Variants in TNFRSF19 observed in about 807,000 individuals in gnomAD.
TNFRSF19 encodes tumor necrosis factor receptor superfamily member 19.
In TNFRSF19, 27 loss-of-function variants were observed where a neutral mutation model predicts 46.4. That is an observed-to-expected ratio of 0.58 (90% CI 0.43 to 0.80). The LOEUF is 0.80. TNFRSF19 is among the 30% of genes least tolerant of loss of function. The pLI is 0.00. For missense variants in TNFRSF19, 511 were observed against 530.8 expected (o/e 0.96, Z 0.37); for synonymous variants, 204 against 205.0 (o/e 1.00, Z 0.04).
At chr13:23,649,514 T>G (rs930375097) in intron 5 of TNFRSF19, among the ~76,000 whole-genome samples, 3 of 152,132 alleles carry the variant, frequency 2.0e-5, no homozygotes, top group African/African-American at 7.2e-5. Flanking sequence ...CAACTTTTGT[T>G]TTTTTCTTCC....
At chr13:23,578,193 G>A (rs1273579748) in intron 1 of TNFRSF19, among the ~76,000 whole-genome samples, 1 of 152,208 alleles carries the variant, frequency 6.6e-6, no homozygotes, top group Non-Finnish European at 1.5e-5. Flanking sequence ...GATGTGCACT[G>A]AGGGCTGGAG....
intron 2 of TNFRSF19, among the ~76,000 whole-genome samples, chr13:23,590,482 C>T (rs1344783257): frequency 1.3e-5 from 2 of 152,016 alleles, no homozygotes; most frequent in African/African-American, 2.4e-5. Context: ...TTACAGGCAC[C>T]CACCACCACT....
chr13:23,648,664 C>T (rs1007475619), intron 5 of TNFRSF19, among the ~76,000 whole-genome samples: 2 of 152,090 alleles, frequency 1.3e-5, no homozygotes, highest in African/African-American at 4.8e-5. Context: ...TCTTCTTGAT[C>T]TTGGGGGAAA....
At position 23,669,585 on chromosome 13, in the gene TNFRSF19, T is replaced by A. The variant is rs1198253199; in HGVS notation, c.1245+488T>A. ...GCTGTTGTTTTCTGGATCACTCTGC[T>A]TTACCGGATTGATTGATTTGGCTGG... On this transcript the variant is annotated intron_variant, in intron 9 of 9. Coordinates refer to ENST00000248484, the MANE Select transcript of TNFRSF19 (RefSeq NM_148957.4). 5.1e-6 allele frequency: 5 copies of A among 985,238 alleles called. No individual in the cohort carries two copies. The East Asian group carries it at 5.7e-4, about 112-fold the overall frequency. The allele number at this position is 985,238 out of a possible 1,614,324, so 61.0% of individuals were successfully genotyped here. A position where few individuals can be genotyped will look rare whatever the true frequency, so the allele number is the denominator to read the frequency against.
rs915400755 is a variant in TNFRSF19, at chr13:23,570,543, C to G, written c.-340C>G. The stretch of plus-strand genomic sequence containing the variant: ...ATTGCAAAAAAGAGGAGGAAAACAA[C>G]GTGATCCATGTTTAACAAAAGAGTC... On this transcript the variant is annotated 5_prime_UTR_variant, in exon 1 of 10. Transcript: ENST00000248484. 2 of 152,220 alleles carry G rather than the reference C, an allele frequency of 1.3e-5. No individual in the cohort carries two copies. The highest frequency in any genetic ancestry group is 2.4e-5 in the African/African-American group (1 of 41,454). 9.4% of individuals were successfully genotyped at this position (152,220 alleles called of 1,614,324 possible).
At chr13:23,650,070 C>CA (rs1433682039) in intron 5 of TNFRSF19, among the ~76,000 whole-genome samples, 1 of 152,180 alleles carries the variant, frequency 6.6e-6, no homozygotes, top group Non-Finnish European at 1.5e-5. Context: ...CCAGACTTCT[C>CA]ACTGCAGCTG....
intron 1 of TNFRSF19, among the ~76,000 whole-genome samples, chr13:23,573,153 T>A (rs1593221177): frequency 6.6e-6 from 1 of 152,252 alleles, no homozygotes; most frequent in South Asian, 2.1e-4. Context: ...AGTCCAATGT[T>A]CTTTCCAGTC....
At chr13:23,618,229 AC>A (rs1881436145) in intron 4 of TNFRSF19, among the ~76,000 whole-genome samples, 1 of 152,184 alleles carries the variant, frequency 6.6e-6, no homozygotes, top group Admixed American at 6.5e-5. Flanking sequence ...AGGAGAAAAT[AC>A]TGGCAAATCA....
intron 3 of TNFRSF19, among the ~76,000 whole-genome samples, chr13:23,614,578 A>G (rs547287091): frequency 6.6e-6 from 1 of 152,156 alleles, no homozygotes; most frequent in East Asian, 1.9e-4. Flanking sequence ...TCCAGTCTGC[A>G]TTTGTGGGCA....
At position 23,676,087 on chromosome 13, in the gene TNFRSF19, A is replaced by G. The variant is rs1225949908; in HGVS notation, c.*2707A>G. ...TTTGTGAATAAAATTATCACCTGGT[A>G]TTCTTATTTATGTGTTCAGTGAGAG... On this transcript the variant is annotated 3_prime_UTR_variant, in exon 10 of 10. Transcript: ENST00000248484. 1 of 152,132 alleles carries G rather than the reference A, an allele frequency of 6.6e-6. No individual in the cohort carries two copies. The highest frequency in any genetic ancestry group is 2.4e-5 in the African/African-American group (1 of 41,428). 9.4% of individuals were successfully genotyped at this position (152,132 alleles called of 1,614,324 possible).
At position 23,626,571 on chromosome 13, in the gene TNFRSF19, T is replaced by C. The variant is rs1882025644; in HGVS notation, c.360-136T>C. The C allele has an allele frequency of 5.6e-6, 4 of 712,186 alleles. No homozygotes were observed. In the Admixed American group the frequency reaches 1.2e-4, roughly 21 times the overall value. The allele number at this position is 712,186 out of a possible 1,614,324, so 44.1% of individuals were successfully genotyped here. A position where few individuals can be genotyped will look rare whatever the true frequency, so the allele number is the denominator to read the frequency against. ...ACTGCTTCCTCTTCAAAAATGTGTCTACCTAAGATACTATTATTTAAGCCT... is the reference window on the plus strand; with the variant it reads ...ACTGCTTCCTCTTCAAAAATGTGTCCACCTAAGATACTATTATTTAAGCCT... On this transcript the variant is annotated intron_variant, in intron 4 of 9. Transcript: ENST00000248484.
At chr13:23,626,834 C>A (rs1566195272) in intron 5 of TNFRSF19, 42 bp downstream of exon 5, 2 of 1,589,224 alleles carry the variant, frequency 1.3e-6, no homozygotes, top group Non-Finnish European at 1.7e-6. Flanking sequence ...GGACGCCTGG[C>A]CTTTTGAAAA....
rs972589675 is a variant in TNFRSF19 at position 23,667,886 on chromosome 13, A to C, written c.737-94A>C. On this transcript the variant is annotated intron_variant, in intron 7 of 9. Transcript: ENST00000248484. ...TCCCCCAAAAGTCACCCAAAGGGAA[A>C]CATCTAAATTTCCGAGAGCAGTGTT... 1.7e-5 allele frequency: 18 copies of C among 1,051,280 alleles called. No homozygotes were observed. The African/African-American group carries it at 2.5e-4, about 14-fold the overall frequency. The allele number at this position is 1,051,280 out of a possible 1,614,324, so 65.1% of individuals were successfully genotyped here.
At chr13:23,641,135 G>A (rs1883015238) in intron 5 of TNFRSF19, among the ~76,000 whole-genome samples, 1 of 152,180 alleles carries the variant, frequency 6.6e-6, no homozygotes, top group African/African-American at 2.4e-5. Flanking sequence ...TGTCTTGCCT[G>A]TGCAGAATTC....
intron 9 of TNFRSF19, among the ~76,000 whole-genome samples, chr13:23,670,627 G>T (rs1024329941): frequency 8.5e-5 from 13 of 152,226 alleles, no homozygotes; most frequent in Admixed American, 3.3e-4. Context: ...CTAGCTGAGT[G>T]TAAGTCTCAA....
intron 1 of TNFRSF19, among the ~76,000 whole-genome samples, chr13:23,581,695 A>G (rs1019457470): frequency 1.3e-5 from 2 of 152,190 alleles, no homozygotes; most frequent in Non-Finnish European, 2.9e-5. Context: ...CTTTTTAAAC[A>G]TAAGTAAGGA....
At chr13:23,579,189 G>T (rs1037796584) in intron 1 of TNFRSF19, among the ~76,000 whole-genome samples, 5 of 152,240 alleles carry the variant, frequency 3.3e-5, no homozygotes, top group African/African-American at 1.2e-4. Flanking sequence ...GCCGCGGAGT[G>T]GGGGCCTCCA....
chr13:23,669,281 C>T, intron 9 of TNFRSF19, 184 bp downstream of exon 9: 1 of 1,409,612 alleles, frequency 7.1e-7, no homozygotes, highest in Non-Finnish European at 9.2e-7. Context: ...ACTAACACAG[C>T]TAATATATAA....
chr13:23,577,581 C>T (rs765477591), intron 1 of TNFRSF19, among the ~76,000 whole-genome samples: 4 of 152,066 alleles, frequency 2.6e-5, no homozygotes, highest in Non-Finnish European at 4.4e-5. Context: ...AACCTTGGAG[C>T]AAGGAAATAC....
Sources: allele counts gnomAD v4.1 joint callset (sites outside exome capture counted in the v4.1 genomes callset), GRCh38; gene constraint gnomAD v4.1.1; transcripts MANE v1.5; gene names NCBI Gene and HGNC (gene_info 2026-07-23, HGNC 2026-07-21).